The following ZNF420 variants were observed in gnomAD, a reference collection of about 807,000 sequenced individuals.
ZNF420 encodes ATM and p53-associated KZNF protein.
Under a neutral mutation model 44.7 loss-of-function variants are expected in ZNF420, and 31 were observed. The ratio of observed to expected loss-of-function variants is 0.69; its 90% CI spans 0.52 to 0.94. ZNF420 has a LOEUF of 0.94. Ranked by LOEUF, ZNF420 falls within the 40% of genes least tolerant of loss-of-function variation. The pLI is 0.00. For missense variants in ZNF420, 681 were observed against 827.9 expected (o/e 0.82, Z 2.18); for synonymous variants, 245 against 267.4 (o/e 0.92, Z 0.82).
intron 1 of ZNF420, among the ~76,000 whole-genome samples, chr19:37,027,813 T>C (rs1315684933): frequency 6.6e-6 from 1 of 152,236 alleles, no homozygotes; most frequent in East Asian, 1.9e-4. Context: ...TCAGAGTTAG[T>C]TTATGCATTT....
At chr19:37,072,887 T>C (rs1968081286) in intron 1 of ZNF420, among the ~76,000 whole-genome samples, 1 of 152,248 alleles carries the variant, frequency 6.6e-6, no homozygotes, top group East Asian at 1.9e-4. Context: ...TTAAAAGGTA[T>C]ATGCATTTTA....
intron 4 of ZNF420, chr19:37,106,673 C>T (rs1970102849): frequency 6.6e-6 from 1 of 152,144 alleles, no homozygotes; most frequent in African/African-American, 2.4e-5. Flanking sequence ...CCCTCCATAC[C>T]TGTGGGTGTT....
chr19:37,069,478 A>C (rs1968021278), intron 1 of ZNF420, among the ~76,000 whole-genome samples: 1 of 152,154 alleles, frequency 6.6e-6, no homozygotes, highest in Non-Finnish European at 1.5e-5. Flanking sequence ...TGAAAATATC[A>C]TTAAGTCAAA....
Position 37,129,925 on chromosome 19 carries a change from C to G in ZNF420, c.*867C>G. On this transcript the variant is annotated 3_prime_UTR_variant, in exon 5 of 5. Coordinates refer to ENST00000337995, the MANE Select transcript of ZNF420 (RefSeq NM_144689.5). ...GAAGTAAACAAAATAACTGATATTA[C>G]AGACTATTTTGCAATGAAAAATGAT... 1.5e-6 allele frequency: 2 copies of G among 1,336,336 alleles called. No individual in the cohort carries two copies. Among genetic ancestry groups the G allele is most frequent in the Non-Finnish European group, 2.0e-6 (2 of 1,016,240 alleles). The allele number at this position is 1,336,336 out of a possible 1,614,324, so 82.8% of individuals were successfully genotyped here.
chr19:37,084,424 T>G (rs908326132), intron 2 of ZNF420, among the ~76,000 whole-genome samples: 1 of 152,190 alleles, frequency 6.6e-6, no homozygotes, highest in African/African-American at 2.4e-5. Flanking sequence ...GTCAAATAGA[T>G]TTGATTGGTA....
intron 1 of ZNF420, among the ~76,000 whole-genome samples, chr19:37,041,634 A>G (rs1396758885): frequency 1.3e-5 from 2 of 152,160 alleles, no homozygotes; most frequent in African/African-American, 4.8e-5. Context: ...TCTGTAATAA[A>G]TCCTTGAAAA....
chr19:37,123,684 A>T (rs1325285045), intron 4 of ZNF420, among the ~76,000 whole-genome samples: 1 of 135,378 alleles, frequency 7.4e-6, no homozygotes, highest in African/African-American at 2.9e-5. Context: ...GCTCACTGCA[A>T]CCTCCACCTC....
chr19:37,039,701 C>CTTTT (rs3051691), intron 1 of ZNF420, among the ~76,000 whole-genome samples: 1 of 143,746 alleles, frequency 7.0e-6, no homozygotes, highest in Non-Finnish European at 1.5e-5. Context: ...ATGTTTCTTT[C>CTTTT]TTTTTTTTTT....
intron 1 of ZNF420, among the ~76,000 whole-genome samples, chr19:37,073,416 G>A (rs1268400702): frequency 6.6e-6 from 1 of 151,982 alleles, no homozygotes; most frequent in African/African-American, 2.4e-5. Flanking sequence ...TCCAAGTCTG[G>A]GACAGGGAAT....
intron 4 of ZNF420, among the ~76,000 whole-genome samples, chr19:37,097,463 T>G (rs1969522719): frequency 6.6e-6 from 1 of 152,172 alleles, no homozygotes; most frequent in African/African-American, 2.4e-5. Flanking sequence ...CTAAATTCAG[T>G]AGGACCCTGT....
upstream of ZNF420, among the ~76,000 whole-genome samples, chr19:37,073,625 C>T (rs1968095499): frequency 6.6e-6 from 1 of 151,638 alleles, no homozygotes; most frequent in Non-Finnish European, 1.5e-5. Context: ...CCTCTAATCC[C>T]AGCTACTTGG....
chr19:37,024,969 T>A (rs957220569), intron 1 of ZNF420: 21 of 201,244 alleles, frequency 1.0e-4, no homozygotes, highest in Admixed American at 9.8e-4. Flanking sequence ...CTCACATTCA[T>A]AGGGCTTCTC....
At chr19:37,126,990 G>T (rs971966046) in intron 4 of ZNF420, 138 bp from the exon 5 acceptor site, 4 of 598,612 alleles carry the variant, frequency 6.7e-6, no homozygotes, top group Non-Finnish European at 8.0e-6. Flanking sequence ...TGAAAGGTAG[G>T]TATTATATGT....
intron 1 of ZNF420, among the ~76,000 whole-genome samples, chr19:37,047,448 C>T (rs1370284047): frequency 6.6e-6 from 1 of 152,192 alleles, no homozygotes; most frequent in Admixed American, 6.5e-5. Flanking sequence ...GACACCAATC[C>T]TAGTGGCACC....
chr19:37,026,547 G>A (rs1045443074), intron 1 of ZNF420, among the ~76,000 whole-genome samples: 5 of 152,118 alleles, frequency 3.3e-5, no homozygotes, highest in Admixed American at 6.5e-5. Flanking sequence ...TCAAACTCCC[G>A]ACTTCAGGTG....
At chr19:37,047,860 A>G (rs1442905803) in intron 1 of ZNF420, among the ~76,000 whole-genome samples, 1 of 152,176 alleles carries the variant, frequency 6.6e-6, no homozygotes, top group East Asian at 1.9e-4. Context: ...ATTACAGTCT[A>G]TGAGTGTGGG....
intron 1 of ZNF420, among the ~76,000 whole-genome samples, chr19:37,078,814 CTG>C (rs1968260971): frequency 6.6e-6 from 1 of 152,156 alleles, no homozygotes; most frequent in Non-Finnish European, 1.5e-5. Flanking sequence ...ACTTATGTGA[CTG>C]TGATTTTATG....
chr19:37,009,156 G>A (rs183542223), intron 1 of ZNF420, among the ~76,000 whole-genome samples: 2 of 152,282 alleles, frequency 1.3e-5, no homozygotes, highest in East Asian at 3.9e-4. Flanking sequence ...CTGCTCCTGG[G>A]TGGACTGCCT....
chr19:37,099,400 G>A (rs985210715), intron 4 of ZNF420, among the ~76,000 whole-genome samples: 3 of 151,966 alleles, frequency 2.0e-5, no homozygotes, highest in African/African-American at 7.3e-5. Context: ...ATATCTGATT[G>A]TAGCTTCGAT....
Sources: gnomAD v4.1 joint callset for allele counts (sites outside exome capture counted in the v4.1 genomes callset) on GRCh38, gnomAD v4.1.1 for gene constraint, MANE v1.5 for transcripts, NCBI Gene and HGNC (gene_info 2026-07-23, HGNC 2026-07-21) for gene names.